The following RIC1 variants were observed in gnomAD, a reference collection of about 807,000 sequenced individuals.
RIC1 encodes the protein RIC1 partner of RAB6A GEF complex.
A neutral mutation model predicts 169.0 loss-of-function variants in RIC1; 88 were observed. The ratio of observed to expected loss-of-function variants is 0.52; its 90% CI spans 0.44 to 0.62. The LOEUF (loss-of-function observed/expected upper bound fraction) is 0.62, where lower values mean the gene tolerates loss of function less well. RIC1 is among the 20% of genes least tolerant of loss of function. The pLI, the probability that RIC1 is intolerant of heterozygous loss-of-function variation, is 0.00. For missense variants in RIC1, 1,877 were observed against 1,725.5 expected (o/e 1.09, Z -1.56); for synonymous variants, 790 against 601.5 (o/e 1.31, Z -4.59).
chr9:5,686,633 G>T (rs868581035), intron 2 of RIC1, among the ~76,000 whole-genome samples: 4 of 129,756 alleles, frequency 3.1e-5, no homozygotes, highest in Admixed American at 8.1e-5. Flanking sequence ...GTGGTGGGGT[G>T]GGGGGAGGGG....
In RIC1 at chr9:5,772,646, A is replaced by G. The variant is rs762266678; in HGVS notation, c.3699A>G (p.Glu1233=). The G allele has an allele frequency of 6.8e-6, 11 of 1,614,012 alleles. No homozygotes were observed. Among genetic ancestry groups the G allele is most frequent in the Middle Eastern group, 3.3e-4 (2 of 6,060 alleles). Residue 1233 remains glutamate (E), a synonymous_variant, in exon 24 of 26, where the codon GAA becomes GAG. Transcript: ENST00000414202. The part of the protein sequence containing the change: ...MVDGDWTMVD[E]NFSTLSLTQS... ...ATGGCGACTGGACAATGGTGGATGA[A>G]AATTTCTCTACACTCAGTTTAACTC...
intron 3 of RIC1, among the ~76,000 whole-genome samples, chr9:5,710,620 T>C (rs1253796117): frequency 6.6e-6 from 1 of 152,222 alleles, no homozygotes; most frequent in African/African-American, 2.4e-5. Context: ...TTAGCCATTT[T>C]AGGAAAGTTT....
intron 2 of RIC1, among the ~76,000 whole-genome samples, chr9:5,672,393 G>A (rs1358808397): frequency 6.6e-6 from 1 of 152,178 alleles, no homozygotes; most frequent in African/African-American, 2.4e-5. Flanking sequence ...TTCAGAAAAT[G>A]TAATTAGAAC....
At chr9:5,649,874 G>A (rs1020863839) in intron 1 of RIC1, among the ~76,000 whole-genome samples, 6 of 152,048 alleles carry the variant, frequency 3.9e-5, no homozygotes, top group African/African-American at 1.4e-4. Flanking sequence ...CGTGGTGTTG[G>A]TTGGGTAGGG....
intron 3 of RIC1, among the ~76,000 whole-genome samples, chr9:5,710,707 G>C (rs1162551568): frequency 6.6e-6 from 1 of 152,168 alleles, no homozygotes; most frequent in Non-Finnish European, 1.5e-5. Flanking sequence ...AAAACAGTTT[G>C]AGGAAATAAT....
At chr9:5,766,439 C>T (rs758856086) in intron 21 of RIC1, among the ~76,000 whole-genome samples, 5 of 152,098 alleles carry the variant, frequency 3.3e-5, no homozygotes, top group African/African-American at 4.8e-5. Flanking sequence ...GATTTTGGTG[C>T]ACCCATCACC....
At chr9:5,745,364 G>A (rs1242026199) in intron 10 of RIC1, among the ~76,000 whole-genome samples, 1 of 152,088 alleles carries the variant, frequency 6.6e-6, no homozygotes, top group Non-Finnish European at 1.5e-5. Flanking sequence ...AAACTGAATG[G>A]TTCTGGAGGA....
chr9:5,778,062 T>C (rs1229770500), downstream of RIC1, among the ~76,000 whole-genome samples: 1 of 152,218 alleles, frequency 6.6e-6, no homozygotes, highest in East Asian at 1.9e-4. Flanking sequence ...AATATTGCCA[T>C]ATTAAGCCTT....
intron 6 of RIC1, among the ~76,000 whole-genome samples, chr9:5,730,891 A>G (rs183852123): frequency 7.0e-4 from 106 of 152,166 alleles, no homozygotes; most frequent in African/African-American, 2.4e-3. Context: ...CACATATACT[A>G]CTTTCCTTTC....
chr9:5,664,576 A>T (rs1001868269), intron 2 of RIC1, among the ~76,000 whole-genome samples: 9 of 152,018 alleles, frequency 5.9e-5, no homozygotes, highest in African/African-American at 1.9e-4. Context: ...GCAGAATCTG[A>T]TGATTATATG....
intron 8 of RIC1, 92 bp downstream of exon 8, chr9:5,738,630 T>C (rs1265370250): frequency 2.8e-6 from 2 of 708,416 alleles, no homozygotes; most frequent in Non-Finnish European, 4.4e-6. Flanking sequence ...AAACAATACA[T>C]GTCATGCTAT....
chr9:5,753,126 A>T, intron 12 of RIC1, 74 bp from the exon 13 acceptor site: 1 of 1,299,144 alleles, frequency 7.7e-7, no homozygotes, highest in Non-Finnish European at 1.1e-6. Context: ...TGAATCTCAT[A>T]GTGTGATAAC....
chr9:5,692,947 AC>A (rs1234736598), intron 3 of RIC1, among the ~76,000 whole-genome samples: 1 of 152,078 alleles, frequency 6.6e-6, no homozygotes, highest in African/African-American at 2.4e-5. Flanking sequence ...AGAGTAACTC[AC>A]CCATAGTCAC....
At chr9:5,733,070 T>C (rs1824469056) in intron 7 of RIC1, among the ~76,000 whole-genome samples, 1 of 152,122 alleles carries the variant, frequency 6.6e-6, no homozygotes, top group Non-Finnish European at 1.5e-5. Flanking sequence ...AGCTCATAAA[T>C]TTTAGCTAAA....
chr9:5,761,939 C>T (rs1185539626), intron 17 of RIC1, among the ~76,000 whole-genome samples: 2 of 152,216 alleles, frequency 1.3e-5, no homozygotes, highest in Non-Finnish European at 2.9e-5. Flanking sequence ...TCCTCAGTAA[C>T]CTATCCTGAT....
chr9:5,778,571 CTT>C (rs1338881802), downstream of RIC1, among the ~76,000 whole-genome samples: 2 of 152,142 alleles, frequency 1.3e-5, no homozygotes, highest in Non-Finnish European at 2.9e-5. Flanking sequence ...TATAGTTTGT[CTT>C]TTACAAAAAT....
chr9:5,722,810 T>A (rs1823691160), intron 6 of RIC1, among the ~76,000 whole-genome samples: 1 of 152,188 alleles, frequency 6.6e-6, no homozygotes, highest in Admixed American at 6.5e-5. Context: ...ATACGGTGTT[T>A]GGTTTTTTGT....
chr9:5,737,218 A>G (rs931296554), intron 7 of RIC1, among the ~76,000 whole-genome samples: 18 of 151,572 alleles, frequency 1.2e-4, no homozygotes, highest in East Asian at 3.9e-4. Context: ...TCGTAGTTCA[A>G]TTTTGAAATG....
At position 5,756,232 on chromosome 9, in the gene RIC1, A is replaced by G. The variant is rs1826005012; in HGVS notation, c.1713A>G (p.Thr571=). The G allele has an allele frequency of 2.5e-6, 4 of 1,578,432 alleles. No individual in the cohort carries two copies. Among genetic ancestry groups the G allele is most frequent in the Non-Finnish European group, 3.4e-6 (4 of 1,159,518 alleles). The change falls in exon 16 of 26, where the codon ACA becomes ACG. Residue 571 remains threonine, a synonymous_variant. Transcript: ENST00000414202. ...RQEELRVYLR[T]SNLDNAFAHV... ...TTCAGCTTAGAGTATACTTGCGAAC[A>G]TCAAATCTGGACAATGCCTTTGCTC...
Sources: allele counts gnomAD v4.1 joint callset (sites outside exome capture counted in the v4.1 genomes callset), GRCh38; gene constraint gnomAD v4.1.1; transcripts MANE v1.5; gene names NCBI Gene and HGNC (gene_info 2026-07-23, HGNC 2026-07-21).